Variants in CFAP299 observed in about 807,000 individuals in gnomAD.
CFAP299 encodes cilia and flagella associated protein 299.
CFAP299 carries 21 observed loss-of-function variants against 27.0 expected under a neutral mutation model. That is an observed-to-expected ratio of 0.78 (90% CI 0.55 to 1.12). The LOEUF (loss-of-function observed/expected upper bound fraction) is 1.12, where lower values mean the gene tolerates loss of function less well. Ranked by LOEUF, CFAP299 falls within the 50% of genes most tolerant of loss-of-function variation. CFAP299 has a pLI of 0.00. For synonymous variants in CFAP299, 104 were observed against 98.1 expected (o/e 1.06, Z -0.36); for missense variants, 310 against 276.6 (o/e 1.12, Z -0.86).
chr4:80,514,236 CTT>C (rs920772137), intron 2 of CFAP299, among the ~76,000 whole-genome samples: 2 of 151,996 alleles, frequency 1.3e-5, no homozygotes, highest in Non-Finnish European at 2.9e-5. Flanking sequence ...TAGTAATGAA[CTT>C]TTCAGATGGT....
intron 5 of CFAP299, among the ~76,000 whole-genome samples, chr4:80,952,231 G>A (rs748440658): frequency 8.5e-5 from 13 of 152,118 alleles, no homozygotes; most frequent in Non-Finnish European, 1.6e-4. Context: ...AACATCTGCG[G>A]GATGAATAAA....
rs1040323780 is a variant in CFAP299, at chr4:80,901,449, C to A, written c.476+31314C>A. 2.0e-5 allele frequency among the ~76,000 whole-genome samples: 3 copies of A among 152,226 alleles called. No individual in the cohort carries two copies. The East Asian group carries it at 5.8e-4, about 29-fold the overall frequency. On this transcript the variant is annotated intron_variant, in intron 4 of 5. Coordinates refer to ENST00000358105, the MANE Select transcript of CFAP299 (RefSeq NM_152770.3). The stretch of plus-strand genomic sequence containing the variant: ...ATTCTGGCTCCTTCTGTGGGTAAAA[C>A]TGAGCATAAGTTATTTTCTCTCATG...
intron 3 of CFAP299, among the ~76,000 whole-genome samples, chr4:80,668,100 C>G (rs193019495): frequency 1.1e-4 from 16 of 151,816 alleles, no homozygotes; most frequent in Admixed American, 9.2e-4. Context: ...TCTGTTGGCC[C>G]TCTGTATTTC....
intron 5 of CFAP299, among the ~76,000 whole-genome samples, chr4:80,947,573 T>G (rs1737539415): frequency 6.6e-6 from 1 of 152,078 alleles, no homozygotes. Flanking sequence ...CCAGGCCCAG[T>G]TTTTAGAGAT....
chr4:80,845,891 T>C (rs1311841313), intron 3 of CFAP299, among the ~76,000 whole-genome samples: 2 of 152,204 alleles, frequency 1.3e-5, no homozygotes, highest in Non-Finnish European at 2.9e-5. Context: ...ATTGAAAAAT[T>C]ATTTTTTCTT....
At chr4:80,603,556 T>C (rs1737481165) in intron 3 of CFAP299, among the ~76,000 whole-genome samples, 1 of 152,160 alleles carries the variant, frequency 6.6e-6, no homozygotes. Flanking sequence ...TGACAATAGG[T>C]AGAATAATAT....
chr4:80,798,926 T>G (rs1345992629), intron 3 of CFAP299, among the ~76,000 whole-genome samples: 1 of 151,376 alleles, frequency 6.6e-6, no homozygotes, highest in Non-Finnish European at 1.5e-5. Flanking sequence ...CTATTGGAAG[T>G]AGAGTTCTTA....
chr4:80,650,645 A>G (rs1323534849), intron 3 of CFAP299, among the ~76,000 whole-genome samples: 1 of 152,168 alleles, frequency 6.6e-6, no homozygotes, highest in East Asian at 1.9e-4. Context: ...TTAGGTAAGT[A>G]AGCCTTATGC....
chr4:80,667,908 A>G (rs1022392001), intron 3 of CFAP299, among the ~76,000 whole-genome samples: 12 of 152,180 alleles, frequency 7.9e-5, no homozygotes, highest in African/African-American at 2.6e-4. Context: ...ATAGTTTTCC[A>G]TACTGGCTGC....
At chr4:80,460,940 C>T (rs545335212) in intron 2 of CFAP299, among the ~76,000 whole-genome samples, 1 of 152,094 alleles carries the variant, frequency 6.6e-6, no homozygotes, top group Non-Finnish European at 1.5e-5. Flanking sequence ...CAGGCTACAG[C>T]TTGATTTTAT....
intron 3 of CFAP299, among the ~76,000 whole-genome samples, chr4:80,685,664 G>C (rs1015982911): frequency 1.3e-5 from 2 of 151,470 alleles, no homozygotes; most frequent in African/African-American, 4.9e-5. Flanking sequence ...TGGTATTAAA[G>C]GGAATTTTTT....
chr4:80,798,250 C>A (rs994797795), intron 3 of CFAP299, among the ~76,000 whole-genome samples: 1 of 152,042 alleles, frequency 6.6e-6, no homozygotes, highest in Non-Finnish European at 1.5e-5. Flanking sequence ...TCTTGCCTGG[C>A]AACTCCCTCA....
intron 2 of CFAP299, among the ~76,000 whole-genome samples, chr4:80,478,201 C>T (rs1380225229): frequency 3.9e-5 from 6 of 152,090 alleles, no homozygotes; most frequent in Non-Finnish European, 5.9e-5. Flanking sequence ...TAAAACGTAT[C>T]CAGTGGAGGC....
At chr4:80,859,891 G>C (rs1732202285) in intron 3 of CFAP299, among the ~76,000 whole-genome samples, 1 of 151,998 alleles carries the variant, frequency 6.6e-6, no homozygotes, top group Admixed American at 6.5e-5. Context: ...TATGTGTCTT[G>C]GAGTTGCTCT....
At chr4:80,787,590 C>T (rs1343970146) in intron 3 of CFAP299, among the ~76,000 whole-genome samples, 1 of 151,920 alleles carries the variant, frequency 6.6e-6, no homozygotes, top group African/African-American at 2.4e-5. Flanking sequence ...CGGTTAGTAA[C>T]AGTTATGTGA....
intron 3 of CFAP299, among the ~76,000 whole-genome samples, chr4:80,707,204 T>G (rs955320688): frequency 6.6e-6 from 1 of 151,962 alleles, no homozygotes; most frequent in African/African-American, 2.4e-5. Context: ...GGCTGGAATA[T>G]TATGACAGCC....
chr4:80,520,894 A>G (rs1412491917), intron 2 of CFAP299, among the ~76,000 whole-genome samples: 1 of 152,218 alleles, frequency 6.6e-6, no homozygotes. Context: ...TGTGAGAAAT[A>G]CAAGGGATAA....
rs187208882 is a variant in CFAP299 at position 80,568,553 on chromosome 4, A to G, written c.243-14540A>G. ...TCCAAGCCTATGTTGTGGTGATCAC[A>G]TTATTTTTCTCTTAAGATAGTGAAT... is the stretch of plus-strand genomic sequence containing the variant. On this transcript the variant is annotated intron_variant, in intron 2 of 5. Transcript: ENST00000358105. 2.2e-3 allele frequency among the ~76,000 whole-genome samples: 340 copies of G among 152,228 alleles called. 1 individual carries two copies. Among genetic ancestry groups the G allele is most frequent in the Non-Finnish European group, 3.7e-3 (252 of 67,992 alleles).
intron 3 of CFAP299, among the ~76,000 whole-genome samples, chr4:80,620,418 A>G (rs796414594): frequency 3.3e-5 from 5 of 152,300 alleles, no homozygotes; most frequent in African/African-American, 1.2e-4. Flanking sequence ...GACATGGCAT[A>G]GTGATGAAGA....
Sources: allele counts gnomAD v4.1 joint callset (sites outside exome capture counted in the v4.1 genomes callset), GRCh38; gene constraint gnomAD v4.1.1; transcripts MANE v1.5; gene names NCBI Gene and HGNC (gene_info 2026-07-23, HGNC 2026-07-21).